PDE4B: variants seen among roughly 807,000 people sequenced by gnomAD.
PDE4B encodes the protein 3',5'-cyclic-AMP phosphodiesterase 4B.
A neutral mutation model predicts 82.2 loss-of-function variants in PDE4B; 20 were observed. That is an observed-to-expected ratio of 0.24 (90% CI 0.17 to 0.35). The LOEUF is 0.35. PDE4B is among the 10% of genes least tolerant of loss of function. PDE4B has a pLI of 1.00. For synonymous variants in PDE4B, 320 were observed against 318.9 expected, an observed-to-expected ratio of 1.00 and a Z score of -0.04; for missense variants, 655 against 907.2, an observed-to-expected ratio of 0.72 and a Z score of 3.57.
chr1:65,918,983 A>G (rs113987445), intron 3 of PDE4B, 148 bp downstream of exon 3: 12 of 622,316 alleles, frequency 1.9e-5, no homozygotes, highest in African/African-American at 1.5e-4. Flanking sequence ...AGAATCAAAG[A>G]TAAGGTCTTG....
chr1:66,050,625 C>T (rs1181662085), intron 3 of PDE4B: 2 of 152,038 alleles, frequency 1.3e-5, no homozygotes, highest in Non-Finnish European at 2.9e-5. Context: ...AGCAATGCCT[C>T]CAGATGTACA....
chr1:65,878,911 A>G (rs1230409749), intron 1 of PDE4B, among the ~76,000 whole-genome samples: 5 of 152,172 alleles, frequency 3.3e-5, no homozygotes, highest in African/African-American at 1.2e-4. Context: ...AAAAAATTAT[A>G]AAGACAATAT....
At chr1:66,176,044 T>C (rs545120356) in intron 3 of PDE4B, among the ~76,000 whole-genome samples, 1 of 152,350 alleles carries the variant, frequency 6.6e-6, no homozygotes, top group Admixed American at 6.5e-5. Context: ...TAAAGGCAGA[T>C]GGCTCAGGCT....
At chr1:65,965,708 G>T (rs960391956) in intron 3 of PDE4B, among the ~76,000 whole-genome samples, 2 of 152,042 alleles carry the variant, frequency 1.3e-5, no homozygotes, top group African/African-American at 4.8e-5. Flanking sequence ...CTAGTGCTTA[G>T]CACAGTGCAT....
At chr1:66,328,991 G>A (rs1390951908) in intron 7 of PDE4B, among the ~76,000 whole-genome samples, 1 of 152,186 alleles carries the variant, frequency 6.6e-6, no homozygotes, top group Non-Finnish European at 1.5e-5. Flanking sequence ...TGTGGATAGG[G>A]GCTTGGGGAC....
intron 6 of PDE4B, among the ~76,000 whole-genome samples, chr1:66,258,665 C>T (rs1182140254): frequency 6.6e-6 from 1 of 152,096 alleles, no homozygotes; most frequent in South Asian, 2.1e-4. Context: ...ACAACCCCCT[C>T]CCCCCGCATA....
chr1:65,803,475 A>T (rs1645719225), intron 1 of PDE4B, among the ~76,000 whole-genome samples: 1 of 152,206 alleles, frequency 6.6e-6, no homozygotes, highest in Non-Finnish European at 1.5e-5. Context: ...TTTCAAAGAG[A>T]ACAATAAAAA....
intron 16 of PDE4B, among the ~76,000 whole-genome samples, chr1:66,369,471 C>T (rs1380905140): frequency 1.3e-5 from 2 of 152,216 alleles, no homozygotes; most frequent in Non-Finnish European, 2.9e-5. Context: ...CTTTTGAGAA[C>T]ATGCTGACAT....
At chr1:65,911,290 C>G (rs1215079794) in intron 1 of PDE4B, among the ~76,000 whole-genome samples, 4 of 152,126 alleles carry the variant, frequency 2.6e-5, no homozygotes, top group African/African-American at 9.7e-5. Context: ...TTTTGAACAT[C>G]ATATTGTTCT....
intron 1 of PDE4B, among the ~76,000 whole-genome samples, chr1:65,879,553 T>C (rs968136124): frequency 2.0e-5 from 3 of 152,000 alleles, no homozygotes; most frequent in African/African-American, 7.2e-5. Flanking sequence ...GAATCAGAAG[T>C]CTAGAAAAGC....
intron 3 of PDE4B, among the ~76,000 whole-genome samples, chr1:66,050,280 G>A (rs1654947125): frequency 6.6e-6 from 1 of 151,858 alleles, no homozygotes; most frequent in Non-Finnish European, 1.5e-5. Flanking sequence ...CTATTGTATC[G>A]GTGGCCAGTG....
At position 66,367,945 on chromosome 1, in the gene PDE4B, G is replaced by A. The variant is rs773017379; in HGVS notation, c.1542G>A (p.Val514=). Reference sequence around the variant, plus strand: ...TTTTCATTTTCTTTTTACCCAAGGTGTTAGCAACTGATATGTCTAAACATA... The same window carrying A: ...TTTTCATTTTCTTTTTACCCAAGGTATTAGCAACTGATATGTCTAAACATA... ...QTLRKMVIDM[V]LATDMSKHMS... The change falls in exon 15 of 17, where the codon GTG becomes GTA. Residue 514 remains valine, a splice_region_variant and synonymous_variant. Coordinates refer to ENST00000341517, the MANE Select transcript of PDE4B (RefSeq NM_002600.4). 2 of 1,613,402 alleles carry A rather than the reference G, an allele frequency of 1.2e-6. No homozygotes were observed. The highest frequency in any genetic ancestry group is 8.5e-7 in the Non-Finnish European group (1 of 1,179,732).
At chr1:66,315,558 C>T (rs556934640) in intron 7 of PDE4B, among the ~76,000 whole-genome samples, 10 of 152,216 alleles carry the variant, frequency 6.6e-5, no homozygotes, top group Non-Finnish European at 8.8e-5. Flanking sequence ...TGGGTTCAAG[C>T]GATGCTCCTG....
intron 3 of PDE4B, among the ~76,000 whole-genome samples, chr1:66,169,611 G>A (rs1646801052): frequency 6.6e-6 from 1 of 152,182 alleles, no homozygotes; most frequent in South Asian, 2.1e-4. Context: ...CAGACAGGAG[G>A]TTGGATAGCT....
At chr1:65,800,966 C>T (rs1645687900) in intron 1 of PDE4B, among the ~76,000 whole-genome samples, 1 of 152,216 alleles carries the variant, frequency 6.6e-6, no homozygotes, top group South Asian at 2.1e-4. Flanking sequence ...TCCCCTTTCT[C>T]TCTCATCTTC....
chr1:66,170,660 A>T (rs1255520664), intron 3 of PDE4B, among the ~76,000 whole-genome samples: 1 of 152,158 alleles, frequency 6.6e-6, no homozygotes, highest in Non-Finnish European at 1.5e-5. Context: ...TATGTCTTTT[A>T]TCCTCTTTTT....
intron 7 of PDE4B, among the ~76,000 whole-genome samples, chr1:66,271,323 G>C (rs1655456546): frequency 6.6e-6 from 1 of 152,210 alleles, no homozygotes; most frequent in South Asian, 2.1e-4. Flanking sequence ...TGCCTGAACA[G>C]TTGAGTCCGT....
At chr1:65,882,801 TTAAAA>T (rs1221025555) in intron 1 of PDE4B, among the ~76,000 whole-genome samples, 1 of 152,114 alleles carries the variant, frequency 6.6e-6, no homozygotes, top group Non-Finnish European at 1.5e-5. Context: ...CAAACATGTT[TTAAAA>T]TAAAGATTAA....
chr1:65,835,504 G>A (rs1336187123), intron 1 of PDE4B, among the ~76,000 whole-genome samples: 1 of 152,124 alleles, frequency 6.6e-6, no homozygotes, highest in Non-Finnish European at 1.5e-5. Flanking sequence ...AGACCAATTA[G>A]GTGGCCCTCA....
Sources: allele counts gnomAD v4.1 joint callset (sites outside exome capture counted in the v4.1 genomes callset), GRCh38; gene constraint gnomAD v4.1.1; transcripts MANE v1.5; gene names NCBI Gene and HGNC (gene_info 2026-07-23, HGNC 2026-07-21).